CCN5: variants seen among roughly 807,000 people sequenced by gnomAD.
CCN5 encodes the protein CCN family member 5.
In CCN5, 17 loss-of-function variants were observed where a neutral mutation model predicts 18.7. The observed-to-expected ratio is 0.91, with a 90% CI of 0.62 to 1.36. The LOEUF is 1.36. Among genes scored for constraint, CCN5 ranks in the 40% most tolerant of loss-of-function variants. The pLI, the probability that CCN5 is intolerant of heterozygous loss-of-function variation, is 0.00. For missense variants in CCN5, 367 were observed against 342.9 expected (o/e 1.07, Z -0.56); for synonymous variants, 135 against 145.2 (o/e 0.93, Z 0.50).
intron 2 of CCN5, chr20:44,720,336 C>A: frequency 1.8e-6 from 1 of 557,432 alleles, no homozygotes; most frequent in South Asian, 2.4e-5. Context: ...ATAACCTTTC[C>A]CCATCCCTAC....
chr20:44,721,217 A>G (rs1397201793), intron 2 of CCN5: 1 of 152,020 alleles, frequency 6.6e-6, no homozygotes, highest in African/African-American at 2.4e-5. Flanking sequence ...CCTTGTTAAA[A>G]AACAACAGGC....
chr20:44,717,376 G>T (rs1002348304), intron 1 of CCN5, among the ~76,000 whole-genome samples: 1 of 152,166 alleles, frequency 6.6e-6, no homozygotes, highest in African/African-American at 2.4e-5. Context: ...GACAAGCATG[G>T]CCAGTAGAGG....
At chr20:44,724,494 TA>T in intron 2 of CCN5, 1 of 558,270 alleles carries the variant, frequency 1.8e-6, no homozygotes, top group Non-Finnish European at 3.0e-6. Flanking sequence ...GGTTCACAGC[TA>T]AGAAAGGGCA....
chr20:44,727,701 C>T lies in CCN5; in HGVS notation c.*394C>T. 1 of 413,008 alleles carries T rather than the reference C, an allele frequency of 2.4e-6. No homozygotes were observed. Among genetic ancestry groups the T allele is most frequent in the East Asian group, 4.0e-5 (1 of 24,970 alleles). The allele number at this position is 413,008 out of a possible 1,614,324, so 25.6% of individuals were successfully genotyped here. A position where few individuals can be genotyped will look rare whatever the true frequency, so the allele number is the denominator to read the frequency against. On this transcript the variant is annotated 3_prime_UTR_variant, in exon 4 of 4. Transcript: ENST00000190983. ...AGGCTGCAGCAGGTGCTGGGCTGGA[C>T]TGGCCATTTTTCTGGGGGTAGGATG...
intron 3 of CCN5, among the ~76,000 whole-genome samples, chr20:44,725,729 A>G (rs887821275): frequency 4.8e-5 from 7 of 145,938 alleles, no homozygotes; most frequent in African/African-American, 7.5e-5. Context: ...TGGGCTTACT[A>G]AAAAAGGAAC....
At chr20:44,727,008 C>T in intron 3 of CCN5, 79 bp from the exon 4 acceptor site, 6 of 1,379,874 alleles carry the variant, frequency 4.3e-6, no homozygotes, top group Non-Finnish European at 5.9e-6. Flanking sequence ...ACCAAGATTG[C>T]CGTGGCCGCT....
chr20:44,722,051 G>C, intron 2 of CCN5, among the ~76,000 whole-genome samples: 1 of 152,176 alleles, frequency 6.6e-6, no homozygotes, highest in East Asian at 1.9e-4. Flanking sequence ...ACACCTGCAG[G>C]CCAAAGGCGT....
Position 44,727,342 on chromosome 20 carries a change from TC to T in CCN5, c.*39del, listed in dbSNP as rs1240700308. ...GGGAATGGGGACACGGTGTCCACCATCCCCAGCTGGTGGCCCTGTGCCTGGG... is the reference window on the plus strand; with the variant it reads ...GGGAATGGGGACACGGTGTCCACCATCCCAGCTGGTGGCCCTGTGCCTGGG... On this transcript the variant is annotated 3_prime_UTR_variant, in exon 4 of 4. Coordinates refer to ENST00000190983, the MANE Select transcript of CCN5 (RefSeq NM_003881.4). 1.3e-6 allele frequency: 2 copies of T among 1,575,748 alleles called. No homozygotes were observed. The highest frequency in any genetic ancestry group is 1.7e-6 in the Non-Finnish European group (2 of 1,157,806).
At chr20:44,718,812 C>T (rs552228298) in intron 1 of CCN5, among the ~76,000 whole-genome samples, 1 of 152,288 alleles carries the variant, frequency 6.6e-6, no homozygotes, top group South Asian at 2.1e-4. Flanking sequence ...GGAGGTTAGA[C>T]TGGGGCAGAG....
chr20:44,715,191 G>T (rs956139189), upstream of CCN5: 3 of 601,020 alleles, frequency 5.0e-6, no homozygotes, highest in Non-Finnish European at 9.0e-6. Context: ...GAGCCATGAG[G>T]ATGGGAAGCG....
chr20:44,727,060 T>C, intron 3 of CCN5, 27 bp from the exon 4 acceptor site: 1 of 1,544,356 alleles, frequency 6.5e-7, no homozygotes, highest in Non-Finnish European at 8.8e-7. Context: ...GGCTGCTCAG[T>C]GCTAACTCTT....
chr20:44,719,650 GA>G (rs2065883508), intron 1 of CCN5, among the ~76,000 whole-genome samples: 1 of 152,174 alleles, frequency 6.6e-6, no homozygotes, highest in Non-Finnish European at 1.5e-5. Context: ...GCCAGACTCT[GA>G]CTCCAAAAAT....
chr20:44,715,928 G>A (rs538378652), intron 1 of CCN5, among the ~76,000 whole-genome samples: 34 of 152,324 alleles, frequency 2.2e-4, no homozygotes, highest in African/African-American at 6.7e-4. Context: ...TGACCCGCCC[G>A]CCCTAGCTAG....
At chr20:44,720,397 C>T (rs2065891133) in intron 2 of CCN5, 2 of 493,086 alleles carry the variant, frequency 4.1e-6, no homozygotes, top group Non-Finnish European at 7.2e-6. Flanking sequence ...AGCTTCTCCC[C>T]TGAGAAGCCC....
At chr20:44,719,702 C>G (rs557804155) in intron 1 of CCN5, among the ~76,000 whole-genome samples, 195 bp from the exon 2 acceptor site, 4 of 152,244 alleles carry the variant, frequency 2.6e-5, no homozygotes, top group Non-Finnish European at 5.9e-5. Context: ...GTCCAGAGTC[C>G]TTGCCCATAA....
In CCN5 at chr20:44,727,260, C is replaced by T. The variant is rs1312209975; in HGVS notation, c.706C>T (p.Pro236Ser). 6.2e-7 allele frequency: 1 copy of T among 1,613,640 alleles called. No individual in the cohort carries two copies. The highest frequency in any genetic ancestry group is 1.7e-5 in the Admixed American group (1 of 60,004). The part of the protein sequence containing the change: ...ETQRRLCLSR[P>S]CPPSRGRSPQ... The stretch of plus-strand genomic sequence containing the variant: ...CCAGCGCCGCCTGTGCCTGTCCAGG[C>T]CCTGCCCACCCTCCAGGGGTCGCAG... The change falls in exon 4 of 4, where the codon CCC (proline) becomes TCC (serine). Residue 236 changes from proline (P) to serine (S), a missense_variant. Transcript: ENST00000190983.
Position 44,727,240 on chromosome 20 carries a change from G to T in CCN5, c.686G>T (p.Arg229Leu). 6.2e-7 allele frequency: 1 copy of T among 1,613,540 alleles called. No homozygotes were observed. Among genetic ancestry groups the T allele is most frequent in the Middle Eastern group, 1.7e-4 (1 of 6,050 alleles). ...QNRFCRLETQ[R>L]RLCLSRPCPP... is the part of the protein sequence containing the mutation. ...CGCTTCTGCCGACTGGAGACCCAGC[G>T]CCGCCTGTGCCTGTCCAGGCCCTGC... is the stretch of plus-strand genomic sequence containing the variant. Residue 229 changes from arginine to leucine, a missense_variant, in exon 4 of 4, where the codon CGC (arginine) becomes CTC (leucine). Physicochemically the swap from Arg to Leu is moderately radical, Grantham distance 102 (BLOSUM62 -2). Coordinates refer to ENST00000190983, the MANE Select transcript of CCN5 (RefSeq NM_003881.4).
At position 44,724,749 on chromosome 20, in the gene CCN5, G is replaced by T. The variant is rs199641604; in HGVS notation, c.289G>T (p.Asp97Tyr). The T allele has an allele frequency of 1.9e-6, 3 of 1,612,680 alleles. No homozygotes were observed. The highest frequency in any genetic ancestry group is 4.5e-5 in the East Asian group (2 of 44,882). The change falls in exon 3 of 4, where the codon GAC becomes TAC. Residue 97 changes from aspartate (D) to tyrosine (Y), a missense_variant. Transcript: ENST00000190983. ...TTTTTCCTCCGCAGTGGCAGAGGAC[G>T]ACAGCAGCTGTGAGGTGAACGGCCG... ...RGALCLLAED[D>Y]SSCEVNGRLY...
chr20:44,715,199 G>T (rs1227608971), upstream of CCN5: 10 of 603,144 alleles, frequency 1.7e-5, no homozygotes, highest in African/African-American at 7.4e-5. Context: ...AGGATGGGAA[G>T]CGAAGCAAGG....
Sources: gnomAD v4.1 joint callset for allele counts (sites outside exome capture counted in the v4.1 genomes callset) on GRCh38, gnomAD v4.1.1 for gene constraint, MANE v1.5 for transcripts, NCBI Gene and HGNC (gene_info 2026-07-23, HGNC 2026-07-21) for gene names.